The following LRCH1 variants were observed in gnomAD, a reference collection of about 807,000 sequenced individuals.
LRCH1 encodes leucine rich repeats and calponin homology domain containing 1.
A neutral mutation model predicts 94.9 loss-of-function variants in LRCH1; 23 were observed. The ratio of observed to expected loss-of-function variants is 0.24; its 90% CI spans 0.17 to 0.34. LRCH1 has a LOEUF of 0.34. Among genes scored for constraint, LRCH1 ranks in the 10% least tolerant of loss-of-function variants. The pLI is 1.00. For missense variants in LRCH1, 790 were observed against 945.9 expected (o/e 0.84, Z 2.16); for synonymous variants, 364 against 354.9 (o/e 1.03, Z -0.29).
intron 8 of LRCH1, 66 bp from the exon 9 acceptor site, chr13:46,694,827 A>T (rs1452567282): frequency 6.5e-7 from 1 of 1,550,026 alleles, no homozygotes; most frequent in East Asian, 2.2e-5. Context: ...ATATTTGAAG[A>T]TCAGCTGTGT....
intron 3 of LRCH1, among the ~76,000 whole-genome samples, chr13:46,671,664 C>T (rs978422056): frequency 6.6e-6 from 1 of 152,158 alleles, no homozygotes; most frequent in African/African-American, 2.4e-5. Context: ...TCTTTTAATG[C>T]TTCTTTTAGG....
intron 19 of LRCH1, 151 bp from the exon 20 acceptor site, chr13:46,741,491 G>A: frequency 1.2e-6 from 1 of 829,232 alleles, no homozygotes; most frequent in Non-Finnish European, 2.0e-6. Flanking sequence ...AAAAATCTTT[G>A]ATGATGAAAG....
chr13:46,578,052 T>G (rs1347618871), intron 1 of LRCH1, among the ~76,000 whole-genome samples: 2 of 152,186 alleles, frequency 1.3e-5, no homozygotes, highest in African/African-American at 4.8e-5. Flanking sequence ...GAGTCTTTAT[T>G]TGCTCCCTTA....
chr13:46,706,223 G>C (rs1871753505), intron 13 of LRCH1, among the ~76,000 whole-genome samples: 1 of 152,206 alleles, frequency 6.6e-6, no homozygotes, highest in African/African-American at 2.4e-5. Context: ...TCAAAGACTG[G>C]CTAACTGTGG....
intron 1 of LRCH1, among the ~76,000 whole-genome samples, chr13:46,588,693 C>T (rs2050463337): frequency 6.8e-6 from 1 of 148,120 alleles, no homozygotes; most frequent in Non-Finnish European, 1.5e-5. Flanking sequence ...CCCCGCCTCT[C>T]GGGTTCAAGT....
At chr13:46,616,765 A>G (rs367698428) in intron 1 of LRCH1, among the ~76,000 whole-genome samples, 82 of 152,378 alleles carry the variant, frequency 5.4e-4, no homozygotes, top group African/African-American at 1.9e-3. Context: ...ATGGCTGTTT[A>G]TTTCACCTGG....
rs149225907 is a variant in LRCH1 at position 46,615,693 on chromosome 13, G to A, written c.308-34508G>A. On this transcript the variant is annotated intron_variant, in intron 1 of 19. Transcript: ENST00000389797. ...CCCAAGACTAAAAAGGGTTTTCAGC[G>A]CAAGTGTTCTCGTAATGTTTTTGTC... Among the ~76,000 whole-genome samples, 5 of 152,224 alleles carry A rather than the reference G, an allele frequency of 3.3e-5. No homozygotes were observed. In the East Asian group the frequency reaches 9.7e-4, roughly 29 times the overall value.
intron 2 of LRCH1, among the ~76,000 whole-genome samples, chr13:46,653,302 T>C (rs2051329748): frequency 6.6e-6 from 1 of 152,224 alleles, no homozygotes; most frequent in African/African-American, 2.4e-5. Flanking sequence ...CTACTTTTAA[T>C]ATTACCATGT....
Position 46,715,599 on chromosome 13 carries a change from T to C in LRCH1, c.1694T>C (p.Leu565Pro), listed in dbSNP as rs763489196. The change falls in exon 16 of 20, where the codon CTT (leucine) becomes CCT (proline). Residue 565 changes from leucine (L) to proline (P), a missense_variant. Physicochemically the swap from Leu to Pro is moderately conservative, Grantham distance 98. Transcript: ENST00000389797. ...CTTCCTCCTATCTCCTTCAACACAC[T>C]TACACAGGCACAGACATGGGACAGC... ...LILPPISFNT[L>P]TQAQTWDSSS... is the part of the protein sequence containing the mutation. 2.6e-6 allele frequency: 4 copies of C among 1,537,188 alleles called. No homozygotes were observed. In the South Asian group the frequency reaches 4.8e-5, roughly 18 times the overall value.
chr13:46,567,494 G>T (rs1374557566), intron 1 of LRCH1, among the ~76,000 whole-genome samples: 1 of 143,972 alleles, frequency 6.9e-6, no homozygotes, highest in Non-Finnish European at 1.5e-5. Context: ...AGGCAATTTT[G>T]TGTGTGTGTG....
At chr13:46,710,898 C>G (rs1055107602) in intron 13 of LRCH1, among the ~76,000 whole-genome samples, 18 of 152,022 alleles carry the variant, frequency 1.2e-4, no homozygotes, top group Non-Finnish European at 2.4e-4. Context: ...CTTGTGGGCT[C>G]CTTGTTTCTG....
intron 1 of LRCH1, among the ~76,000 whole-genome samples, chr13:46,627,394 T>TG (rs2050962553): frequency 6.6e-6 from 1 of 152,228 alleles, no homozygotes; most frequent in Non-Finnish European, 1.5e-5. Context: ...TCTAACCCTT[T>TG]GGCTTAGAGT....
intron 1 of LRCH1, among the ~76,000 whole-genome samples, chr13:46,562,689 C>G (rs1342468231): frequency 6.6e-6 from 1 of 152,138 alleles, no homozygotes; most frequent in Non-Finnish European, 1.5e-5. Flanking sequence ...AGCTGGAGTT[C>G]CTCCCCCAGC....
chr13:46,723,285 G>T lies in LRCH1; in HGVS notation c.1824G>T (p.Met608Ile), dbSNP rs1252668207. Residue 608 changes from methionine (M) to isoleucine (I), a missense_variant, in exon 17 of 20, where the codon ATG (methionine) becomes ATT (isoleucine). Physicochemically the swap from Met to Ile is conservative, Grantham distance 10 (BLOSUM62 1). Transcript: ENST00000389797. ...CGCAGTTTACAATCCGGAGGAAAAT[G>T]GAGCAGATGAGAGAAGAGAAAGAGC... ...IDPQFTIRRK[M>I]EQMREEKELV... 2.5e-6 allele frequency: 4 copies of T among 1,613,884 alleles called. No individual in the cohort carries two copies. The highest frequency in any genetic ancestry group is 3.4e-6 in the Non-Finnish European group (4 of 1,179,792).
At chr13:46,575,986 T>G (rs2050300186) in intron 1 of LRCH1, among the ~76,000 whole-genome samples, 1 of 152,160 alleles carries the variant, frequency 6.6e-6, no homozygotes, top group African/African-American at 2.4e-5. Flanking sequence ...GACCTAATAC[T>G]CGACTTTGGA....
At chr13:46,556,649 A>G (rs2050069301) in intron 1 of LRCH1, among the ~76,000 whole-genome samples, 1 of 152,146 alleles carries the variant, frequency 6.6e-6, no homozygotes, top group Non-Finnish European at 1.5e-5. Context: ...GAAGACTGAG[A>G]CAGAGACAAG....
At chr13:46,749,448 A>T (rs1371953778), downstream of LRCH1, among the ~76,000 whole-genome samples, 1 of 152,220 alleles carries the variant, frequency 6.6e-6, no homozygotes, top group Non-Finnish European at 1.5e-5. Context: ...GTTCATCATA[A>T]TGTATTTTAT....
Position 46,622,628 on chromosome 13 carries a change from T to C in LRCH1, c.308-27573T>C, listed in dbSNP as rs74618742. Among the ~76,000 whole-genome samples the C allele has an allele frequency of 5.0e-3, 765 of 152,300 alleles. 4 individuals carry two copies. Among genetic ancestry groups the C allele is most frequent in the African/African-American group, 0.018 (729 of 41,560 alleles). ...TAGTACCACTCAAATAATGCTGCTT[T>C]TTAAATAAATTCAAGGGGAACTGCT... On this transcript the variant is annotated intron_variant, in intron 1 of 19. Coordinates refer to ENST00000389797, the MANE Select transcript of LRCH1 (RefSeq NM_001164211.2).
At chr13:46,701,763 G>C (rs1044847275) in intron 11 of LRCH1, among the ~76,000 whole-genome samples, 1 of 152,150 alleles carries the variant, frequency 6.6e-6, no homozygotes, top group Admixed American at 6.5e-5. Flanking sequence ...CTTAACTAAT[G>C]GTAATGGAAT....
Sources: gnomAD v4.1 joint callset for allele counts (sites outside exome capture counted in the v4.1 genomes callset) on GRCh38, gnomAD v4.1.1 for gene constraint, MANE v1.5 for transcripts, NCBI Gene and HGNC (gene_info 2026-07-23, HGNC 2026-07-21) for gene names.